Variants in ACOX2 observed in about 807,000 individuals in gnomAD.
The protein encoded by ACOX2 is acyl-CoA oxidase 2, also known as peroxisomal acyl-coenzyme A oxidase 2.
Under a neutral mutation model 77.5 loss-of-function variants are expected in ACOX2, and 59 were observed. The ratio of observed to expected loss-of-function variants is 0.76; its 90% CI spans 0.62 to 0.95. ACOX2 has a LOEUF of 0.95. Ranked by LOEUF, ACOX2 falls within the 40% of genes least tolerant of loss-of-function variation. ACOX2 has a pLI of 0.00. For synonymous variants in ACOX2, 317 were observed against 340.1 expected (o/e 0.93, Z 0.75); for missense variants, 837 against 880.4 (o/e 0.95, Z 0.62).
rs1577000896 is a variant in ACOX2, at chr3:58,531,801, C to G, written c.595G>C (p.Ala199Pro). Reference sequence around the variant, plus strand: ...TGGGCCTGGACCAGGGCATGGGTGGCTGACCGTCCCACTGAGGGCAGAGAG... The same window carrying G: ...TGGGCCTGGACCAGGGCATGGGTGGGTGACCGTCCCACTGAGGGCAGAGAG... ...KWWPGDLGRS[A>P]THALVQAQLI... Residue 199 changes from alanine (A) to proline (P), a missense_variant, in exon 6 of 15, where the codon GCC becomes CCC. Physicochemically the swap from Ala to Pro is conservative, Grantham distance 27. Transcript: ENST00000302819. This position sits in a 1 kb window ranked among gnomAD's most constrained non-coding sequence, Gnocchi z 5.8. 1.9e-6 allele frequency: 3 copies of G among 1,613,474 alleles called. No homozygotes were observed. The highest frequency in any genetic ancestry group is 1.7e-5 in the Admixed American group (1 of 59,898).
chr3:58,525,965 C>T lies in ACOX2; in HGVS notation c.1346+501G>A, dbSNP rs974938842. The stretch of plus-strand genomic sequence containing the variant: ...CCGGCGGGCAGAGGTTGCAGTGAGC[C>T]GAGATTGCACCACTGCACTCCAGCC... On this transcript the variant is annotated intron_variant, in intron 10 of 14. Transcript: ENST00000302819. The surrounding 1 kb of genome is among the most constrained non-coding windows in gnomAD (Gnocchi z 5.0). 6.6e-5 allele frequency among the ~76,000 whole-genome samples: 10 copies of T among 151,716 alleles called. 1 individual carries two copies. In the East Asian group the frequency reaches 7.8e-4, roughly 12 times the overall value.
Position 58,526,382 on chromosome 3 carries a change from G to T in ACOX2, c.1346+84C>A. Reference sequence around the variant, plus strand: ...TTCGCAAAGCCTGCTCTTTTTATGGGCCTCAGACGGAACCCTCCACCCAAC... The same window carrying T: ...TTCGCAAAGCCTGCTCTTTTTATGGTCCTCAGACGGAACCCTCCACCCAAC... On this transcript the variant is annotated intron_variant, in intron 10 of 14. Transcript: ENST00000302819. This position sits in a 1 kb window ranked among gnomAD's most constrained non-coding sequence, Gnocchi z 4.3. 1.4e-6 allele frequency: 2 copies of T among 1,433,272 alleles called. No individual in the cohort carries two copies. The highest frequency in any genetic ancestry group is 1.9e-6 in the Non-Finnish European group (2 of 1,071,786). The allele number at this position is 1,433,272 out of a possible 1,614,324, so 88.8% of individuals were successfully genotyped here.
At chr3:58,511,176 C>A (rs760003644) in intron 13 of ACOX2, 5 of 371,138 alleles carry the variant, frequency 1.3e-5, no homozygotes, top group Non-Finnish European at 2.7e-5. Context: ...TACTAGATGT[C>A]TTTTCCTCTT....
chr3:58,536,767 C>T (rs145836156), intron 1 of ACOX2, among the ~76,000 whole-genome samples: 1 of 152,270 alleles, frequency 6.6e-6, no homozygotes, highest in East Asian at 1.9e-4. Flanking sequence ...TTAAAGAGGC[C>T]ACCCTCTTTA....
At chr3:58,532,289 T>C (rs1168954935) in intron 5 of ACOX2, among the ~76,000 whole-genome samples, 1 of 152,078 alleles carries the variant, frequency 6.6e-6, no homozygotes, top group Non-Finnish European at 1.5e-5. Context: ...GCTGGTTTCT[T>C]TTGTCTTCAT....
At chr3:58,530,134 C>T (rs989894962) in intron 8 of ACOX2, among the ~76,000 whole-genome samples, 3 of 152,266 alleles carry the variant, frequency 2.0e-5, no homozygotes, top group Non-Finnish European at 4.4e-5. Context: ...CACAGCCGCA[C>T]AGAACACGGC....
chr3:58,530,113 G>A (rs764833450), intron 8 of ACOX2, among the ~76,000 whole-genome samples: 3 of 152,220 alleles, frequency 2.0e-5, no homozygotes, highest in Non-Finnish European at 4.4e-5. Flanking sequence ...ACCCAGACCC[G>A]TCCAACCCGT....
rs2063355070 is a variant in ACOX2, at chr3:58,521,134, T to G, written c.1632+1362A>C. Among the ~76,000 whole-genome samples the G allele has an allele frequency of 6.6e-6, 1 of 152,190 alleles. No individual in the cohort carries two copies. The highest frequency in any genetic ancestry group is 2.1e-4 in the South Asian group (1 of 4,834). On this transcript the variant is annotated intron_variant, in intron 12 of 14. Coordinates refer to ENST00000302819, the MANE Select transcript of ACOX2 (RefSeq NM_003500.4). This position sits in a 1 kb window ranked among gnomAD's most constrained non-coding sequence, Gnocchi z 4.8. ...GCAGGAAGCCTTGGCTCACCCTCTGTGTTGACAGGACAGTTAGCACAGCAG... is the reference window on the plus strand; with the variant it reads ...GCAGGAAGCCTTGGCTCACCCTCTGGGTTGACAGGACAGTTAGCACAGCAG...
chr3:58,526,459 A>G lies in ACOX2; in HGVS notation c.1346+7T>C, dbSNP rs2108003677. The G allele has an allele frequency of 1.2e-6, 2 of 1,609,124 alleles. No individual in the cohort carries two copies. The highest frequency in any genetic ancestry group is 2.2e-5 in the East Asian group (1 of 44,800). ...TGGGCAAAGGCCTGGGTCAGCCTGG[A>G]CCTTACCTGGCCACCTGCAGGTAGA... is the stretch of plus-strand genomic sequence containing the variant. On this transcript the variant is annotated splice_region_variant and intron_variant, in intron 10 of 14. Transcript: ENST00000302819. This position sits in a 1 kb window ranked among gnomAD's most constrained non-coding sequence, Gnocchi z 4.3.
Position 58,537,173 on chromosome 3 carries a change from C to T in ACOX2, c.-146G>A, listed in dbSNP as rs1176451223. 1 of 152,532 alleles carries T rather than the reference C, an allele frequency of 6.6e-6. No homozygotes were observed. Among genetic ancestry groups the T allele is most frequent in the Non-Finnish European group, 1.5e-5 (1 of 68,294 alleles). 9.4% of individuals were successfully genotyped at this position (152,532 alleles called of 1,614,324 possible). A position where few individuals can be genotyped will look rare whatever the true frequency, so the allele number is the denominator to read the frequency against. Reference sequence around the variant, plus strand: ...GTAGGCCGGGCTGGCCTCTCCCCGGCTGTAGGCCGCAGCCTCTGGCAGGCT... The same window carrying T: ...GTAGGCCGGGCTGGCCTCTCCCCGGTTGTAGGCCGCAGCCTCTGGCAGGCT... On this transcript the variant is annotated 5_prime_UTR_variant, in exon 1 of 15. Transcript: ENST00000302819.
intron 13 of ACOX2, chr3:58,511,310 A>T: frequency 2.8e-6 from 1 of 355,286 alleles, no homozygotes; most frequent in Non-Finnish European, 5.5e-6. Flanking sequence ...TGCTGTCAAA[A>T]TGGGCAAGTT....
Position 58,533,391 on chromosome 3 carries a change from C to T in ACOX2, c.583+54G>A. 1 of 1,522,582 alleles carries T rather than the reference C, an allele frequency of 6.6e-7. No individual in the cohort carries two copies. The highest frequency in any genetic ancestry group is 1.1e-5 in the South Asian group (1 of 88,102). 94.3% of individuals were successfully genotyped at this position (1,522,582 alleles called of 1,614,324 possible). A position where few individuals can be genotyped will look rare whatever the true frequency, so the allele number is the denominator to read the frequency against. The stretch of plus-strand genomic sequence containing the variant: ...CTCAAAGCCAGTGCTACTCTGCCCT[C>T]CAACATTCTTCTACTTGGGGAGAGT... On this transcript the variant is annotated intron_variant, in intron 5 of 14. Transcript: ENST00000302819. The surrounding 1 kb of genome is among the most constrained non-coding windows in gnomAD (Gnocchi z 5.6).
In ACOX2 at chr3:58,526,339, A is replaced by T; in HGVS notation, c.1346+127T>A. 1 of 1,110,922 alleles carries T rather than the reference A, an allele frequency of 9.0e-7. No individual in the cohort carries two copies. The highest frequency in any genetic ancestry group is 1.3e-6 in the Non-Finnish European group (1 of 790,766). The allele number at this position is 1,110,922 out of a possible 1,614,324, so 68.8% of individuals were successfully genotyped here. ...TAGGTTAGTCATACTGGGGAATTGG[A>T]CAGCTCCCAAATAGCACTTCGCAAA... On this transcript the variant is annotated intron_variant, in intron 10 of 14. Transcript: ENST00000302819. This position sits in a 1 kb window ranked among gnomAD's most constrained non-coding sequence, Gnocchi z 4.3.
At position 58,524,724 on chromosome 3, in the gene ACOX2, A is replaced by C. The variant is rs527474682; in HGVS notation, c.1347-119T>G. ...GTTCCAGCCTTCCCGTGGGAGAGCC[A>C]GGTCACCAGGCCTCTGCCTGGCCTC... On this transcript the variant is annotated intron_variant, in intron 10 of 14. Transcript: ENST00000302819. This position sits in a 1 kb window ranked among gnomAD's most constrained non-coding sequence, Gnocchi z 5.5. 8.7e-7 allele frequency: 1 copy of C among 1,144,826 alleles called. No homozygotes were observed. The highest frequency in any genetic ancestry group is 1.5e-5 in the South Asian group (1 of 64,958). 70.9% of individuals were successfully genotyped at this position (1,144,826 alleles called of 1,614,324 possible).
chr3:58,522,817 C>A lies in ACOX2; in HGVS notation c.1527-216G>T, dbSNP rs1374866827. 1 of 506,658 alleles carries A rather than the reference C, an allele frequency of 2.0e-6. No homozygotes were observed. Among genetic ancestry groups the A allele is most frequent in the East Asian group, 3.6e-5 (1 of 27,780 alleles). 31.4% of individuals were successfully genotyped at this position (506,658 alleles called of 1,614,324 possible). ...GAAAACTGAGTCCCAGAGAGGTTAA[C>A]CAATTTGTCCAGGGTCACACAGCTA... On this transcript the variant is annotated intron_variant, in intron 11 of 14. Coordinates refer to ENST00000302819, the MANE Select transcript of ACOX2 (RefSeq NM_003500.4). The surrounding 1 kb of genome is among the most constrained non-coding windows in gnomAD (Gnocchi z 4.3).
chr3:58,535,172 T>A lies in ACOX2; in HGVS notation c.-66A>T. The A allele has an allele frequency of 1.9e-6, 3 of 1,599,126 alleles. No homozygotes were observed. The Admixed American group carries it at 5.0e-5, about 27-fold the overall frequency. ...CAACCCGGCTGCTCCGAGGGTCTGC[T>A]CTCAGCATTGGTCAGTGCAAAGAAC... On this transcript the variant is annotated 5_prime_UTR_variant, in exon 2 of 15. Transcript: ENST00000302819. This position sits in a 1 kb window ranked among gnomAD's most constrained non-coding sequence, Gnocchi z 4.8.
At chr3:58,516,850 GA>G (rs1027093794) in intron 13 of ACOX2, among the ~76,000 whole-genome samples, 7 of 150,748 alleles carry the variant, frequency 4.6e-5, no homozygotes, top group African/African-American at 1.2e-4. Context: ...AAAAAGAAAA[GA>G]AAAAAAAAGT....
At chr3:58,532,189 G>A (rs1164346284) in intron 5 of ACOX2, among the ~76,000 whole-genome samples, 1 of 152,126 alleles carries the variant, frequency 6.6e-6, no homozygotes, top group Non-Finnish European at 1.5e-5. Context: ...AAGGAAACAG[G>A]CTCAGAGAGT....
chr3:58,534,457 G>T lies in ACOX2; in HGVS notation c.226C>A (p.Arg76Ser), dbSNP rs369658583. 2 of 1,614,130 alleles carry T rather than the reference G, an allele frequency of 1.2e-6. No homozygotes were observed. The highest frequency in any genetic ancestry group is 8.5e-7 in the Non-Finnish European group (1 of 1,180,030). ...KDNYFMTQNE[R>S]YKAAMRRAFH... ...GCCCTCCGCATGGCAGCCTTATAAC[G>T]CTCATTCTGGGTCATGAAATAATTG... The change falls in exon 3 of 15, where the codon CGT becomes AGT. Residue 76 changes from arginine (R) to serine (S), a missense_variant. Transcript: ENST00000302819. This position sits in a 1 kb window ranked among gnomAD's most constrained non-coding sequence, Gnocchi z 4.8.
Sources: allele counts gnomAD v4.1 joint callset (sites outside exome capture counted in the v4.1 genomes callset), GRCh38; gene constraint gnomAD v4.1.1; non-coding constraint Gnocchi (gnomAD v3.1); transcripts MANE v1.5; gene names NCBI Gene and HGNC (gene_info 2026-07-23, HGNC 2026-07-21).